The following DSCAM variants were observed in gnomAD, a reference collection of about 807,000 sequenced individuals.
The protein encoded by DSCAM is DS cell adhesion molecule.
Under a neutral mutation model 217.7 loss-of-function variants are expected in DSCAM, and 47 were observed. The ratio of observed to expected loss-of-function variants is 0.22; its 90% CI spans 0.17 to 0.28. The LOEUF (loss-of-function observed/expected upper bound fraction) is 0.28. DSCAM is among the 10% of genes least tolerant of loss of function. The probability of loss-of-function intolerance (pLI) is 1.00; values close to 1 mark genes in which losing one functional copy is unlikely to be tolerated. For missense variants in DSCAM, 2,080 were observed against 2,618.3 expected, an observed-to-expected ratio of 0.79 and a Z score of 4.49; for synonymous variants, 1,056 against 1,015.3, an observed-to-expected ratio of 1.04 and a Z score of -0.76.
chr21:40,517,115 C>G (rs1046136615), intron 3 of DSCAM, among the ~76,000 whole-genome samples: 1 of 147,408 alleles, frequency 6.8e-6, no homozygotes, highest in African/African-American at 2.5e-5. Context: ...CCCACACATA[C>G]CTTATGTGTA....
At position 40,031,132 on chromosome 21, in the gene DSCAM, G is replaced by C. The variant is rs569861794; in HGVS notation, c.5686+11239C>G. ...CCTTAAAAGGCTCACTGTTTTTCTT[G>C]GGTAGCTTATTGGGGTTCAGTTCTA... On this transcript the variant is annotated intron_variant, in intron 32 of 32. Coordinates refer to ENST00000400454, the MANE Select transcript of DSCAM (RefSeq NM_001389.5). 2.0e-3 allele frequency among the ~76,000 whole-genome samples: 304 copies of C among 152,222 alleles called. 3 individuals are homozygous for C. The highest frequency in any genetic ancestry group is 6.9e-3 in the African/African-American group (286 of 41,536).
chr21:40,806,371 T>G (rs2091787429), intron 1 of DSCAM, among the ~76,000 whole-genome samples: 1 of 152,094 alleles, frequency 6.6e-6, no homozygotes, highest in African/African-American at 2.4e-5. Context: ...AAAAAAAGTG[T>G]GTTGACCAAT....
At chr21:40,508,756 TATATATATATATA>T (rs2076231368) in intron 3 of DSCAM, among the ~76,000 whole-genome samples, 3 of 42,470 alleles carry the variant, frequency 7.1e-5, no homozygotes, top group Non-Finnish European at 1.2e-4. Flanking sequence ...TATATATATA[TATATATATATATA>T]TATATATATA....
chr21:40,039,669 A>G (rs2088707292), intron 32 of DSCAM, among the ~76,000 whole-genome samples: 1 of 152,224 alleles, frequency 6.6e-6, no homozygotes, highest in African/African-American at 2.4e-5. Flanking sequence ...GCTATCAGGT[A>G]TCTGCTAGAC....
At chr21:40,098,337 G>A (rs1199354732) in intron 20 of DSCAM, among the ~76,000 whole-genome samples, 1 of 152,178 alleles carries the variant, frequency 6.6e-6, no homozygotes, top group East Asian at 1.9e-4. Flanking sequence ...ACTTCAAGGA[G>A]ACATAGACCT....
intron 3 of DSCAM, among the ~76,000 whole-genome samples, chr21:40,523,225 C>T (rs2076373290): frequency 6.6e-6 from 1 of 152,144 alleles, no homozygotes; most frequent in Admixed American, 6.5e-5. Flanking sequence ...TACTCCCAGG[C>T]CTGTGCCCAC....
intron 20 of DSCAM, among the ~76,000 whole-genome samples, chr21:40,112,978 A>T (rs2089919496): frequency 6.6e-6 from 1 of 152,238 alleles, no homozygotes; most frequent in East Asian, 1.9e-4. Flanking sequence ...GCCAAATTCT[A>T]CCAGAGGTAC....
intron 3 of DSCAM, among the ~76,000 whole-genome samples, chr21:40,605,252 CT>C (rs1301830127): frequency 6.6e-6 from 1 of 152,212 alleles, no homozygotes; most frequent in Non-Finnish European, 1.5e-5. Context: ...CTTCTGCCCC[CT>C]GTAAGCTGAC....
chr21:40,167,422 T>G, intron 15 of DSCAM, 134 bp from the exon 16 acceptor site: 1 of 697,426 alleles, frequency 1.4e-6, no homozygotes, highest in Admixed American at 2.7e-5. Flanking sequence ...TTAGCGGTCA[T>G]GGGAAATGTC....
chr21:40,035,265 A>C (rs62235609), intron 32 of DSCAM, among the ~76,000 whole-genome samples: 2 of 92,862 alleles, frequency 2.2e-5, no homozygotes, highest in Admixed American at 1.1e-4. Flanking sequence ...GTATTCAGGA[A>C]ACCCATCTCA....
At chr21:40,167,779 C>T (rs1378390840) in intron 15 of DSCAM, among the ~76,000 whole-genome samples, 1 of 152,108 alleles carries the variant, frequency 6.6e-6, no homozygotes, top group African/African-American at 2.4e-5. Context: ...AATTAAAAAC[C>T]CTTGTGGCCG....
intron 18 of DSCAM, among the ~76,000 whole-genome samples, chr21:40,141,487 A>G (rs1277451962): frequency 6.6e-6 from 1 of 152,148 alleles, no homozygotes; most frequent in Non-Finnish European, 1.5e-5. Context: ...GTGGTGGTGC[A>G]CGCCTGCAAT....
At position 40,426,935 on chromosome 21, in the gene DSCAM, G is replaced by A. The variant is rs1003282213; in HGVS notation, c.509-57690C>T. 5.3e-5 allele frequency among the ~76,000 whole-genome samples: 8 copies of A among 152,090 alleles called. No homozygotes were observed. In the East Asian group the frequency reaches 1.5e-3, roughly 29 times the overall value. On this transcript the variant is annotated intron_variant, in intron 3 of 32. Coordinates refer to ENST00000400454, the MANE Select transcript of DSCAM (RefSeq NM_001389.5). The stretch of plus-strand genomic sequence containing the variant: ...TTTGAAAAAAAAATCTAGTGTGCAA[G>A]GGTACTATCCCTATTTGTGGGAATA...
intron 32 of DSCAM, among the ~76,000 whole-genome samples, chr21:40,021,035 G>A (rs1048359721): frequency 2.6e-5 from 4 of 151,736 alleles, no homozygotes; most frequent in African/African-American, 7.3e-5. Context: ...CCAGGGTCAG[G>A]GGAGGCTGAG....
chr21:40,802,473 T>A (rs751113663), intron 1 of DSCAM, among the ~76,000 whole-genome samples: 1 of 152,050 alleles, frequency 6.6e-6, no homozygotes, highest in East Asian at 1.9e-4. Flanking sequence ...GGACATGAGT[T>A]TTGGGGGCCA....
chr21:40,188,011 T>C, intron 12 of DSCAM, 24 bp from the exon 13 acceptor site: 2 of 1,587,876 alleles, frequency 1.3e-6, no homozygotes, highest in Non-Finnish European at 1.7e-6. Flanking sequence ...AGAAAGAAAT[T>C]CATCTTTTTC....
intron 9 of DSCAM, among the ~76,000 whole-genome samples, chr21:40,307,413 C>T (rs1295628600): frequency 1.3e-5 from 2 of 152,082 alleles, no homozygotes; most frequent in African/African-American, 4.8e-5. Flanking sequence ...GAATGGCAAT[C>T]GTTAAAAAGT....
chr21:40,654,623 A>G (rs1328655490), intron 3 of DSCAM, among the ~76,000 whole-genome samples: 2 of 152,140 alleles, frequency 1.3e-5, no homozygotes, highest in African/African-American at 2.4e-5. Flanking sequence ...TGTGTTTTCC[A>G]GCTCTTAGAG....
At chr21:40,734,665 C>T (rs897061950) in intron 1 of DSCAM, among the ~76,000 whole-genome samples, 3 of 152,356 alleles carry the variant, frequency 2.0e-5, no homozygotes, top group Middle Eastern at 3.4e-3. Context: ...AGGAAAAATT[C>T]AACTGGGACC....
Sources: gnomAD v4.1 joint callset for allele counts (sites outside exome capture counted in the v4.1 genomes callset) on GRCh38, gnomAD v4.1.1 for gene constraint, MANE v1.5 for transcripts, NCBI Gene and HGNC (gene_info 2026-07-23, HGNC 2026-07-21) for gene names.